The following EIF3A variants were observed in gnomAD, a reference collection of about 807,000 sequenced individuals.
EIF3A encodes the protein EIF3, p180 subunit.
A neutral mutation model predicts 186.6 loss-of-function variants in EIF3A; 21 were observed. The observed-to-expected ratio is 0.11, with a 90% CI of 0.08 to 0.16. The LOEUF (loss-of-function observed/expected upper bound fraction) is 0.16, where lower values mean the gene tolerates loss of function less well. Among genes scored for constraint, EIF3A ranks in the 10% least tolerant of loss-of-function variants. EIF3A has a pLI of 1.00. For synonymous variants in EIF3A, 563 were observed against 584.3 expected, an observed-to-expected ratio of 0.96 and a Z score of 0.52; for missense variants, 1,306 against 1,796.3, an observed-to-expected ratio of 0.73 and a Z score of 4.93.
rs1279921168 is a variant in EIF3A, at chr10:119,069,453, T to C, written c.943A>G (p.Met315Val). The C allele has an allele frequency of 5.7e-6, 8 of 1,404,410 alleles. No homozygotes were observed. The highest frequency in any genetic ancestry group is 8.1e-6 in the Non-Finnish European group (8 of 988,168). 87.0% of individuals were successfully genotyped at this position (1,404,410 alleles called of 1,614,324 possible). Residue 315 changes from methionine (M) to valine (V), a missense_variant, in exon 6 of 22, where the codon ATG (methionine) becomes GTG (valine). Physicochemically the swap from Met to Val is conservative, Grantham distance 21. Around this residue, in one of 8 missense-constraint regions of EIF3A, gnomAD observed 267 missense variants for 367.8 expected, o/e 0.73. Coordinates refer to ENST00000369144, the MANE Select transcript of EIF3A (RefSeq NM_003750.4). ...CAAGTATAACATTTTTACCTTTGCA[T>C]CTCATCTTGTGTGAGATTCTTTCTC... is the stretch of plus-strand genomic sequence containing the variant. ...EMRKNLTQDE[M>V]QRMSTRVLLA...
At chr10:119,074,342 G>A (rs1277610771) in intron 1 of EIF3A, among the ~76,000 whole-genome samples, 2 of 152,170 alleles carry the variant, frequency 1.3e-5, no homozygotes, top group Non-Finnish European at 2.9e-5. Context: ...GTATGTGCCT[G>A]TAGTGCCAGC....
Position 119,057,145 on chromosome 10 carries a change from C to A in EIF3A, c.1978-105G>T, listed in dbSNP as rs1383261981. ...AAATCCTACATTGCTTTTATTGTTA[C>A]AATGGGTGATAATTTAGGAAATGTA... On this transcript the variant is annotated intron_variant, in intron 12 of 21. Coordinates refer to ENST00000369144, the MANE Select transcript of EIF3A (RefSeq NM_003750.4). 6.1e-6 allele frequency: 4 copies of A among 654,170 alleles called. 1 individual carries two copies. In the South Asian group the frequency reaches 7.6e-5, roughly 13 times the overall value. 40.5% of individuals were successfully genotyped at this position (654,170 alleles called of 1,614,324 possible).
rs772415756 is a variant in EIF3A, at chr10:119,038,356, C to T, written c.3610G>A (p.Asp1204Asn). 1.9e-6 allele frequency: 3 copies of T among 1,614,140 alleles called. No homozygotes were observed. The highest frequency in any genetic ancestry group is 2.5e-6 in the Non-Finnish European group (3 of 1,180,016). The change falls in exon 20 of 22, where the codon GAC becomes AAC. Residue 1204 changes from aspartate to asparagine, a missense_variant. Physicochemically the swap from Asp to Asn is conservative, Grantham distance 23 (BLOSUM62 1). Transcript: ENST00000369144. ...TCTCTGTCCCTTTCTTTTTCTCTGTCCCATTCACGTTCTTCTGATGGCCTT... is the reference window on the plus strand; with the variant it reads ...TCTCTGTCCCTTTCTTTTTCTCTGTTCCATTCACGTTCTTCTGATGGCCTT... ...ESRPSEEREW[D>N]REKERDRDNQ...
chr10:119,070,073 G>T (rs1354606278), intron 5 of EIF3A, among the ~76,000 whole-genome samples: 2 of 151,454 alleles, frequency 1.3e-5, no homozygotes, highest in Non-Finnish European at 2.9e-5. Context: ...ATTTTAAGAT[G>T]GGTGTCCCTA....
In EIF3A at chr10:119,051,204, A is replaced by G. The variant is rs762181950; in HGVS notation, c.2314T>C (p.Tyr772His). 7 of 1,606,134 alleles carry G rather than the reference A, an allele frequency of 4.4e-6. No homozygotes were observed. The Admixed American group carries it at 5.2e-5, about 12-fold the overall frequency. Residue 772 changes from tyrosine to histidine, a missense_variant, in exon 15 of 22, where the codon TAT (tyrosine) becomes CAT (histidine). Physicochemically the swap from Tyr to His is moderately conservative, Grantham distance 83. Coordinates refer to ENST00000369144, the MANE Select transcript of EIF3A (RefSeq NM_003750.4). Reference sequence around the variant, plus strand: ...CCAAAAATCAGCAAGCTCACCTCATAAACAGACTGCCGTGCAGCTTTGAGT... The same window carrying G: ...CCAAAAATCAGCAAGCTCACCTCATGAACAGACTGCCGTGCAGCTTTGAGT... ...MRLKAARQSV[Y>H]EEKLKQFEER...
rs749684051 is a variant in EIF3A at position 119,072,874 on chromosome 10, G to C, written c.541+16C>G. On this transcript the variant is annotated intron_variant, in intron 4 of 21. Coordinates refer to ENST00000369144, the MANE Select transcript of EIF3A (RefSeq NM_003750.4). ...ATTTCAAAGCACTTCACTCAGATTT[G>C]ATCTTCTCATCTTACCTTGCTGGGC... is the stretch of plus-strand genomic sequence containing the variant. 6.3e-7 allele frequency: 1 copy of C among 1,595,586 alleles called. No homozygotes were observed. Among genetic ancestry groups the C allele is most frequent in the Admixed American group, 1.8e-5 (1 of 54,650 alleles).
intron 3 of EIF3A, 45 bp from the exon 4 acceptor site, chr10:119,073,098 C>T: frequency 6.4e-7 from 1 of 1,554,186 alleles, no homozygotes. Context: ...CAGTTTCCTA[C>T]TTTGCCATGT....
At chr10:119,068,997 GA>G (rs1212227342) in intron 6 of EIF3A, among the ~76,000 whole-genome samples, 2 of 149,632 alleles carry the variant, frequency 1.3e-5, no homozygotes, top group African/African-American at 4.9e-5. Flanking sequence ...AAAAGAAAAG[GA>G]AAAAAAAGTA....
intron 19 of EIF3A, 104 bp downstream of exon 19, chr10:119,041,890 G>T: frequency 8.0e-7 from 1 of 1,252,460 alleles, no homozygotes; most frequent in Non-Finnish European, 1.1e-6. Flanking sequence ...AAAGATGAAA[G>T]ACCAGTTTAT....
At chr10:119,074,941 AG>A (rs869044829) in intron 1 of EIF3A, among the ~76,000 whole-genome samples, 1,885 of 108,956 alleles carry the variant, frequency 0.017, 514 homozygotes, top group Middle Eastern at 0.067. Context: ...AAAAAAAAAA[AG>A]GGAAAAAAAT....
chr10:119,038,119 G>T, intron 20 of EIF3A, 119 bp downstream of exon 20: 1 of 854,626 alleles, frequency 1.2e-6, no homozygotes, highest in East Asian at 2.7e-5. Flanking sequence ...GTTTCACTAT[G>T]TTGGCCAGGC....
rs758416031 is a variant in EIF3A, at chr10:119,042,609, C to T, written c.2911G>A (p.Gly971Ser). The T allele has an allele frequency of 1.9e-6, 3 of 1,614,030 alleles. No individual in the cohort carries two copies. In the African/African-American group the frequency reaches 4.0e-5, roughly 22 times the overall value. The change falls in exon 19 of 22, where the codon GGT becomes AGT. Residue 971 changes from glycine to serine, a missense_variant. Physicochemically the swap from Gly to Ser is moderately conservative, Grantham distance 56. Coordinates refer to ENST00000369144, the MANE Select transcript of EIF3A (RefSeq NM_003750.4). This position sits in a 1 kb window ranked among gnomAD's most constrained non-coding sequence, Gnocchi z 7.8. ...CGAGAGAACCTATCTTCCTCAGGAC[C>T]ACGTCTAGGGCCTCTGTCATCATCC... is the stretch of plus-strand genomic sequence containing the variant. ...GMDDDRGPRRGPEEDRFSRRG... is the reference protein window; with the variant it reads ...GMDDDRGPRRSPEEDRFSRRG...
At chr10:119,066,203 G>A (rs1451859602) in intron 6 of EIF3A, among the ~76,000 whole-genome samples, 1 of 150,384 alleles carries the variant, frequency 6.6e-6, no homozygotes, top group Non-Finnish European at 1.5e-5. Context: ...ACAAAATTAA[G>A]GCAGGTTTAA....
intron 6 of EIF3A, among the ~76,000 whole-genome samples, chr10:119,068,985 A>G (rs922102243): frequency 6.6e-6 from 1 of 151,884 alleles, no homozygotes; most frequent in African/African-American, 2.4e-5. Flanking sequence ...AAAAAAAAAA[A>G]AAAAAGAAAA....
At position 119,034,821 on chromosome 10, in the gene EIF3A, G is replaced by A. The variant is rs957573840; in HGVS notation, c.*1218C>T. 7.9e-5 allele frequency: 12 copies of A among 152,186 alleles called. No homozygotes were observed. The highest frequency in any genetic ancestry group is 1.7e-4 in the African/African-American group (7 of 41,446). The allele number at this position is 152,186 out of a possible 1,614,324, so 9.4% of individuals were successfully genotyped here. On this transcript the variant is annotated 3_prime_UTR_variant, in exon 22 of 22. Transcript: ENST00000369144. Reference sequence around the variant, plus strand: ...TGCACACACAAACTCAGAGGACAGCGTTACAAGGAAACTAAGGAATTCCTG... The same window carrying A: ...TGCACACACAAACTCAGAGGACAGCATTACAAGGAAACTAAGGAATTCCTG...
Position 119,058,265 on chromosome 10 carries a change from T to G in EIF3A, c.1668A>C (p.Ala556=). The G allele has an allele frequency of 6.2e-7, 1 of 1,607,462 alleles. No individual in the cohort carries two copies. Among genetic ancestry groups the G allele is most frequent in the South Asian group, 1.1e-5 (1 of 90,156 alleles). ...GCTCTTTTCGTGAATTTTTAAGGTA[T>G]GCAGTGACAGCCAACTGATGCTGTT... is the stretch of plus-strand genomic sequence containing the variant. ...KEEQHQLAVT[A]YLKNSRKEHQ... is the part of the protein sequence containing the mutation. Residue 556 remains alanine, a synonymous_variant, in exon 12 of 22, where the codon GCA becomes GCC. Coordinates refer to ENST00000369144, the MANE Select transcript of EIF3A (RefSeq NM_003750.4).
At chr10:119,068,159 G>C (rs777777361) in intron 6 of EIF3A, among the ~76,000 whole-genome samples, 1 of 151,982 alleles carries the variant, frequency 6.6e-6, no homozygotes, top group Non-Finnish European at 1.5e-5. Context: ...TATACGTAAC[G>C]TTAAAAATAA....
At position 119,042,712 on chromosome 10, in the gene EIF3A, C is replaced by A; in HGVS notation, c.2808G>T (p.Arg936=). The part of the protein sequence containing the change: ...EDRSHRRDEE[R]PRRLGDDEDR... ...CTTCATCATCCCCCAGACGCCGGGGCCGCTCTTCATCTCTTCTATGAGACC... is the reference window on the plus strand; with the variant it reads ...CTTCATCATCCCCCAGACGCCGGGGACGCTCTTCATCTCTTCTATGAGACC... The change falls in exon 19 of 22, where the codon CGG becomes CGT. Residue 936 remains arginine, a synonymous_variant. Transcript: ENST00000369144. The surrounding 1 kb of genome is among the most constrained non-coding windows in gnomAD (Gnocchi z 7.8). The A allele has an allele frequency of 1.2e-6, 2 of 1,613,826 alleles. No individual in the cohort carries two copies. Among genetic ancestry groups the A allele is most frequent in the Non-Finnish European group, 1.7e-6 (2 of 1,180,020 alleles).
chr10:119,052,886 C>G (rs1848378074), intron 14 of EIF3A, among the ~76,000 whole-genome samples: 1 of 152,162 alleles, frequency 6.6e-6, no homozygotes, highest in Admixed American at 6.5e-5. Context: ...CGTACTTTGC[C>G]CAGATCCACC....
Sources: gnomAD v4.1 joint callset for allele counts (sites outside exome capture counted in the v4.1 genomes callset) on GRCh38, gnomAD v4.1.1 for gene constraint, gnomAD v4.1.1 regional missense constraint, Gnocchi (gnomAD v3.1) non-coding constraint, MANE v1.5 for transcripts, NCBI Gene and HGNC (gene_info 2026-07-23, HGNC 2026-07-21) for gene names.